The following BTBD9 variants were observed in gnomAD, a reference collection of about 807,000 sequenced individuals.
BTBD9 encodes the protein BTB domain containing 9, also known as BTB/POZ domain-containing protein 9.
BTBD9 carries 49 observed loss-of-function variants against 64.3 expected under a neutral mutation model. That is an observed-to-expected ratio of 0.76 (90% CI 0.61 to 0.97). The LOEUF (loss-of-function observed/expected upper bound fraction) is 0.97. Among genes scored for constraint, BTBD9 ranks in the 50% least tolerant of loss-of-function variants. The pLI is 0.00. For synonymous variants in BTBD9, 260 were observed against 274.7 expected (o/e 0.95, Z 0.53); for missense variants, 598 against 762.1 (o/e 0.78, Z 2.53).
intron 6 of BTBD9, among the ~76,000 whole-genome samples, chr6:38,387,365 C>T (rs1274512903): frequency 6.6e-6 from 1 of 151,990 alleles, no homozygotes; most frequent in African/African-American, 2.4e-5. Flanking sequence ...GGTGAAACCC[C>T]GTCTCTACTA....
intron 6 of BTBD9, among the ~76,000 whole-genome samples, chr6:38,452,348 C>G (rs1334156216): frequency 6.6e-6 from 1 of 152,092 alleles, no homozygotes; most frequent in Non-Finnish European, 1.5e-5. Flanking sequence ...CTATACTATG[C>G]TGTCTCTTAA....
chr6:38,566,299 T>C (rs1775513000), intron 6 of BTBD9, among the ~76,000 whole-genome samples: 1 of 151,510 alleles, frequency 6.6e-6, no homozygotes, highest in Non-Finnish European at 1.5e-5. Flanking sequence ...CTAAATCTTC[T>C]TGAAAAATCT....
intron 6 of BTBD9, among the ~76,000 whole-genome samples, chr6:38,534,745 A>AT (rs558252790): frequency 1.6e-4 from 25 of 152,134 alleles, no homozygotes; most frequent in Non-Finnish European, 3.4e-4. Context: ...GTGATACATC[A>AT]TATCAACAGA....
At chr6:38,332,419 T>C (rs187594071) in intron 7 of BTBD9, among the ~76,000 whole-genome samples, 1 of 152,362 alleles carries the variant, frequency 6.6e-6, no homozygotes, top group African/African-American at 2.4e-5. Context: ...GGTTCTTAAC[T>C]GATGTGAGAT....
intron 10 of BTBD9, among the ~76,000 whole-genome samples, chr6:38,187,160 T>A (rs192224820): frequency 1.3e-5 from 2 of 152,230 alleles, no homozygotes; most frequent in Admixed American, 1.3e-4. Flanking sequence ...CTGAGCACAG[T>A]CTTGGGGGCT....
intron 6 of BTBD9, among the ~76,000 whole-genome samples, chr6:38,478,526 C>T (rs1170148963): frequency 6.6e-6 from 1 of 152,076 alleles, no homozygotes; most frequent in Non-Finnish European, 1.5e-5. Flanking sequence ...TTTCTCTGAC[C>T]CTTTCTGCAT....
intron 9 of BTBD9, among the ~76,000 whole-genome samples, chr6:38,244,939 G>A (rs982292486): frequency 1.3e-5 from 2 of 152,188 alleles, no homozygotes; most frequent in Non-Finnish European, 2.9e-5. Flanking sequence ...TCTTCCTTGC[G>A]CTTTATGTGA....
chr6:38,229,140 G>T (rs1328215477), intron 9 of BTBD9, among the ~76,000 whole-genome samples: 1 of 151,498 alleles, frequency 6.6e-6, no homozygotes, highest in East Asian at 1.9e-4. Context: ...GGAGGTTGCA[G>T]TGAGTGGAGA....
intron 9 of BTBD9, among the ~76,000 whole-genome samples, chr6:38,222,405 T>A (rs6930118): frequency 1.3e-5 from 2 of 151,240 alleles, no homozygotes; most frequent in Admixed American, 6.6e-5. Flanking sequence ...GGACTACAGG[T>A]GCCCGCCACC....
At chr6:38,436,161 A>T (rs991866908) in intron 6 of BTBD9, among the ~76,000 whole-genome samples, 4 of 151,932 alleles carry the variant, frequency 2.6e-5, no homozygotes, top group African/African-American at 9.7e-5. Context: ...ATAAACGTAA[A>T]AAATGAAGTT....
intron 6 of BTBD9, among the ~76,000 whole-genome samples, chr6:38,453,990 T>C (rs1278109811): frequency 6.6e-6 from 1 of 152,184 alleles, no homozygotes; most frequent in Non-Finnish European, 1.5e-5. Context: ...GGCTCCTTTT[T>C]ATTGAGGGAG....
intron 6 of BTBD9, among the ~76,000 whole-genome samples, chr6:38,358,313 A>C (rs1414303271): frequency 6.6e-6 from 1 of 151,872 alleles, no homozygotes. Flanking sequence ...TTCTGTTGGC[A>C]CAACCCAGTT....
intron 7 of BTBD9, among the ~76,000 whole-genome samples, chr6:38,320,107 C>T (rs960222658): frequency 2.0e-5 from 3 of 152,344 alleles, no homozygotes; most frequent in Non-Finnish European, 4.4e-5. Context: ...CCCCCTCCCC[C>T]AAATGCACGG....
At chr6:38,415,843 C>T (rs1033144906) in intron 6 of BTBD9, among the ~76,000 whole-genome samples, 3 of 150,866 alleles carry the variant, frequency 2.0e-5, no homozygotes, top group Non-Finnish European at 2.9e-5. Flanking sequence ...GCTAGGCTGC[C>T]CAGGCTGCAG....
intron 6 of BTBD9, among the ~76,000 whole-genome samples, chr6:38,368,329 T>A (rs1358892811): frequency 6.6e-6 from 1 of 152,142 alleles, no homozygotes; most frequent in Non-Finnish European, 1.5e-5. Flanking sequence ...CTAGAGCTCC[T>A]TTACCCTTTT....
At chr6:38,178,669 A>G (rs1262778706) in intron 10 of BTBD9, among the ~76,000 whole-genome samples, 1 of 151,500 alleles carries the variant, frequency 6.6e-6, no homozygotes, top group Non-Finnish European at 1.5e-5. Context: ...GGTGTGGAAG[A>G]AAAACAGGAA....
At chr6:38,511,144 G>C (rs1772754300) in intron 6 of BTBD9, among the ~76,000 whole-genome samples, 1 of 152,018 alleles carries the variant, frequency 6.6e-6, no homozygotes, top group African/African-American at 2.4e-5. Context: ...TATGTGACTT[G>C]CTGTTGATGT....
chr6:38,241,004 A>G (rs1763973924), intron 9 of BTBD9, among the ~76,000 whole-genome samples: 1 of 152,162 alleles, frequency 6.6e-6, no homozygotes, highest in African/African-American at 2.4e-5. Flanking sequence ...AATTAGGAAA[A>G]ATGAATTCTG....
intron 7 of BTBD9, among the ~76,000 whole-genome samples, chr6:38,303,864 TATATATATATAC>T (rs1410331675): frequency 6.2e-4 from 75 of 120,224 alleles, no homozygotes; most frequent in African/African-American, 2.2e-3. Flanking sequence ...TATATATATA[TATATATATATAC>T]ACACACACAC....
Sources: gnomAD v4.1 joint callset for allele counts (sites outside exome capture counted in the v4.1 genomes callset) on GRCh38, gnomAD v4.1.1 for gene constraint, MANE v1.5 for transcripts, NCBI Gene and HGNC (gene_info 2026-07-23, HGNC 2026-07-21) for gene names.